The following STRN3 variants were observed in gnomAD, a reference collection of about 807,000 sequenced individuals.
STRN3 encodes the protein striatin 3.
Under a neutral mutation model 95.6 loss-of-function variants are expected in STRN3, and 29 were observed. That is an observed-to-expected ratio of 0.30 (90% CI 0.23 to 0.41). STRN3 has a LOEUF of 0.41. STRN3 is among the 10% of genes least tolerant of loss of function. The pLI is 1.00. For synonymous variants in STRN3, 331 were observed against 357.6 expected (o/e 0.93, Z 0.84); for missense variants, 890 against 972.1 (o/e 0.92, Z 1.12).
At chr14:30,983,006 T>A (rs988513621) in intron 1 of STRN3, among the ~76,000 whole-genome samples, 2 of 152,162 alleles carry the variant, frequency 1.3e-5, no homozygotes, top group East Asian at 3.9e-4. Flanking sequence ...GCTACCAAAA[T>A]GCTCCATAAA....
chr14:30,977,489 T>C (rs1002440652), intron 1 of STRN3, among the ~76,000 whole-genome samples: 7 of 151,244 alleles, frequency 4.6e-5, no homozygotes, highest in Admixed American at 2.6e-4. Flanking sequence ...AAACTACTAA[T>C]ATCAGAAATG....
intron 1 of STRN3, among the ~76,000 whole-genome samples, chr14:30,999,915 A>G (rs1010234861): frequency 6.6e-6 from 1 of 152,222 alleles, no homozygotes; most frequent in Non-Finnish European, 1.5e-5. Context: ...ATCAAAGAGA[A>G]GCAATTCATC....
At chr14:30,970,464 C>T (rs1253077613) in intron 1 of STRN3, among the ~76,000 whole-genome samples, 1 of 152,204 alleles carries the variant, frequency 6.6e-6, no homozygotes, top group Admixed American at 6.5e-5. Flanking sequence ...TCCCCTCCCC[C>T]AGCTGTCAGC....
intron 1 of STRN3, among the ~76,000 whole-genome samples, chr14:30,977,956 C>CA (rs1169716885): frequency 4.6e-5 from 7 of 152,062 alleles, no homozygotes; most frequent in African/African-American, 1.7e-4. Context: ...CAAAAACTTA[C>CA]ATAAGGAGCA....
At chr14:30,997,008 G>T (rs1882231368) in intron 1 of STRN3, among the ~76,000 whole-genome samples, 1 of 151,614 alleles carries the variant, frequency 6.6e-6, no homozygotes, top group South Asian at 2.1e-4. Flanking sequence ...GAAAGTAATA[G>T]ACAATAAAAA....
intron 1 of STRN3, among the ~76,000 whole-genome samples, chr14:30,999,852 A>G (rs1882365777): frequency 6.6e-6 from 1 of 152,238 alleles, no homozygotes. Flanking sequence ...TCACATCAAG[A>G]TACATCAAAT....
chr14:31,022,594 T>C (rs1315428698), intron 1 of STRN3, among the ~76,000 whole-genome samples: 1 of 151,484 alleles, frequency 6.6e-6, no homozygotes, highest in East Asian at 1.9e-4. Flanking sequence ...TTTATTGAAA[T>C]GTACTCAAGT....
At chr14:30,960,901 A>AG (rs1315360579) in intron 1 of STRN3, among the ~76,000 whole-genome samples, 1 of 151,404 alleles carries the variant, frequency 6.6e-6, no homozygotes, top group Non-Finnish European at 1.5e-5. Flanking sequence ...TAGAAAGAAA[A>AG]GAAAAAAAGA....
At chr14:30,931,723 G>A (rs1302917721) in intron 7 of STRN3, among the ~76,000 whole-genome samples, 1 of 152,150 alleles carries the variant, frequency 6.6e-6, no homozygotes, top group Non-Finnish European at 1.5e-5. Flanking sequence ...TTGACAATGA[G>A]AAGAACTAAA....
At chr14:30,969,682 A>C (rs1401873231) in intron 1 of STRN3, among the ~76,000 whole-genome samples, 1 of 152,212 alleles carries the variant, frequency 6.6e-6, no homozygotes, top group African/African-American at 2.4e-5. Context: ...AAGGCACCAA[A>C]AACTATATAT....
At chr14:30,948,783 A>C (rs988783223) in intron 4 of STRN3, among the ~76,000 whole-genome samples, 1 of 152,232 alleles carries the variant, frequency 6.6e-6, no homozygotes, top group Non-Finnish European at 1.5e-5. Flanking sequence ...TAAATCAGGC[A>C]ATGGGATTAG....
At chr14:30,951,569 G>A (rs1005507333) in intron 3 of STRN3, among the ~76,000 whole-genome samples, 2 of 151,888 alleles carry the variant, frequency 1.3e-5, no homozygotes, top group African/African-American at 2.4e-5. Context: ...CCGCTAAGTC[G>A]ATTGCCTTTG....
intron 5 of STRN3, among the ~76,000 whole-genome samples, chr14:30,943,795 T>C (rs1393229188): frequency 6.6e-6 from 1 of 151,992 alleles, no homozygotes; most frequent in Non-Finnish European, 1.5e-5. Flanking sequence ...AGGACAAATA[T>C]TGCATGAGTC....
chr14:30,992,565 TAAAAA>T (rs58987293), intron 1 of STRN3, among the ~76,000 whole-genome samples: 9 of 94,092 alleles, frequency 9.6e-5, no homozygotes, highest in Admixed American at 1.3e-4. Flanking sequence ...CCTGTCTCTT[TAAAAA>T]AAAAAAAAAA....
chr14:30,990,814 T>C (rs575056999), intron 1 of STRN3, among the ~76,000 whole-genome samples: 3 of 152,318 alleles, frequency 2.0e-5, no homozygotes, highest in African/African-American at 7.2e-5. Flanking sequence ...TAATACAATG[T>C]AGGTGCATGT....
intron 1 of STRN3, among the ~76,000 whole-genome samples, chr14:30,986,802 T>C (rs1188248499): frequency 6.6e-6 from 1 of 152,170 alleles, no homozygotes; most frequent in Admixed American, 6.5e-5. Context: ...ACAGAAGATA[T>C]CAACTATTTT....
At chr14:30,906,741 G>T in intron 14 of STRN3, 136 bp downstream of exon 14, 1 of 994,962 alleles carries the variant, frequency 1.0e-6, no homozygotes, top group Non-Finnish European at 1.4e-6. Context: ...TGAGTAAAAA[G>T]TTTATCCTAA....
chr14:30,921,869 T>A (rs1011322580), intron 8 of STRN3, among the ~76,000 whole-genome samples: 2 of 152,158 alleles, frequency 1.3e-5, no homozygotes, highest in African/African-American at 4.8e-5. Flanking sequence ...ATTTATTTTT[T>A]AATTTTTATT....
intron 8 of STRN3, among the ~76,000 whole-genome samples, chr14:30,920,220 C>T (rs949682859): frequency 2.6e-5 from 4 of 152,046 alleles, no homozygotes; most frequent in Admixed American, 6.5e-5. Context: ...TTTATTGGTC[C>T]TATTTTACAG....
Sources: allele counts gnomAD v4.1 joint callset (sites outside exome capture counted in the v4.1 genomes callset), GRCh38; gene constraint gnomAD v4.1.1; transcripts MANE v1.5; gene names NCBI Gene and HGNC (gene_info 2026-07-23, HGNC 2026-07-21).